KIZ: variants seen among roughly 807,000 people sequenced by gnomAD.
KIZ encodes centrosomal protein kizuna.
Under a neutral mutation model 79.6 loss-of-function variants are expected in KIZ, and 68 were observed. The ratio of observed to expected loss-of-function variants is 0.85; its 90% CI spans 0.70 to 1.05. The LOEUF (loss-of-function observed/expected upper bound fraction) is 1.05. Ranked by LOEUF, KIZ falls within the 50% of genes least tolerant of loss-of-function variation. The probability of loss-of-function intolerance (pLI) is 0.00; values close to 1 mark genes in which losing one functional copy is unlikely to be tolerated. For synonymous variants in KIZ, 280 were observed against 281.8 expected (o/e 0.99, Z 0.06); for missense variants, 797 against 800.4 (o/e 1.00, Z 0.05).
intron 6 of KIZ, among the ~76,000 whole-genome samples, chr20:21,187,721 G>T (rs8120377): frequency 0.43 from 64,903 of 152,002 alleles, 15,915 homozygotes; most frequent in African/African-American, 0.69. Context: ...TGCGTCAGCC[G>T]TTAATCCTCA....
At chr20:21,242,290 G>T (rs2037244805) in intron 11 of KIZ, among the ~76,000 whole-genome samples, 1 of 152,202 alleles carries the variant, frequency 6.6e-6, no homozygotes. Context: ...CACCTTGGAG[G>T]CACTGCTTGG....
At chr20:21,172,213 C>T (rs2034238350) in intron 6 of KIZ, among the ~76,000 whole-genome samples, 1 of 152,196 alleles carries the variant, frequency 6.6e-6, no homozygotes, top group Non-Finnish European at 1.5e-5. Flanking sequence ...GGAACACCTG[C>T]TCTGTGCCGG....
intron 9 of KIZ, among the ~76,000 whole-genome samples, chr20:21,220,093 G>A (rs145201628): frequency 4.2e-4 from 63 of 150,206 alleles, no homozygotes; most frequent in African/African-American, 1.5e-3. Context: ...ATAATAAGTA[G>A]TATATAATTA....
At chr20:21,205,626 T>C (rs1370512396) in intron 7 of KIZ, 42 bp downstream of exon 7, 2 of 838,416 alleles carry the variant, frequency 2.4e-6, no homozygotes, top group East Asian at 5.5e-5. Flanking sequence ...ATCACAAATG[T>C]GGACCACAGG....
At chr20:21,133,706 C>T (rs1039978451) in intron 2 of KIZ, among the ~76,000 whole-genome samples, 13 of 152,198 alleles carry the variant, frequency 8.5e-5, no homozygotes, top group Non-Finnish European at 5.9e-5. Context: ...GAGTCTGAGA[C>T]GAGGGTCTGT....
chr20:21,180,042 T>C (rs1370872078), intron 6 of KIZ, among the ~76,000 whole-genome samples: 2 of 152,128 alleles, frequency 1.3e-5, no homozygotes, highest in Non-Finnish European at 2.9e-5. Flanking sequence ...TTGGGTGGAG[T>C]GTTCTGTATA....
At chr20:21,189,638 G>C (rs1355077435) in intron 6 of KIZ, among the ~76,000 whole-genome samples, 1 of 152,190 alleles carries the variant, frequency 6.6e-6, no homozygotes, top group African/African-American at 2.4e-5. Context: ...AAAGGCAAGG[G>C]TTTTGCTTGT....
At chr20:21,135,508 G>T (rs2032136628) in intron 2 of KIZ, among the ~76,000 whole-genome samples, 1 of 152,196 alleles carries the variant, frequency 6.6e-6, no homozygotes, top group South Asian at 2.1e-4. Context: ...CCTAGGATTG[G>T]AAGTTTAAGA....
In KIZ at chr20:21,205,674, AAG is replaced by A. The variant is rs989359902; in HGVS notation, c.1446+91_1446+92del. 23 of 592,744 alleles carry A rather than the reference AAG, an allele frequency of 3.9e-5. No individual in the cohort carries two copies. The African/African-American group carries it at 4.6e-4, about 12-fold the overall frequency. 36.7% of individuals were successfully genotyped at this position (592,744 alleles called of 1,614,324 possible). A position where few individuals can be genotyped will look rare whatever the true frequency, so the allele number is the denominator to read the frequency against. ...ATTTTTATTTAAAAAAAAAAAAAAAAAGTTTTGGCCAGGCGCCGTGGCTCACG... is the reference window on the plus strand; with the variant it reads ...ATTTTTATTTAAAAAAAAAAAAAAAATTTTGGCCAGGCGCCGTGGCTCACG... On this transcript the variant is annotated intron_variant, in intron 7 of 12. Coordinates refer to ENST00000619189, the MANE Select transcript of KIZ (RefSeq NM_018474.6).
At chr20:21,196,942 C>T (rs2035368432) in intron 6 of KIZ, 1 of 152,208 alleles carries the variant, frequency 6.6e-6, no homozygotes, top group Non-Finnish European at 1.5e-5. Context: ...TCAACTAGGT[C>T]CAGTAACTTC....
chr20:21,153,566 A>G lies in KIZ; in HGVS notation c.405+7912A>G, dbSNP rs533543808. On this transcript the variant is annotated intron_variant, in intron 4 of 12. Coordinates refer to ENST00000619189, the MANE Select transcript of KIZ (RefSeq NM_018474.6). Reference sequence around the variant, plus strand: ...GTCATGGTGGCAACATGTAAGAAGAAGACTTAAAAATCACAATGGCATACT... The same window carrying G: ...GTCATGGTGGCAACATGTAAGAAGAGGACTTAAAAATCACAATGGCATACT... Among the ~76,000 whole-genome samples, 10 of 152,244 alleles carry G rather than the reference A, an allele frequency of 6.6e-5. No individual in the cohort carries two copies. In the South Asian group the frequency reaches 2.1e-3, roughly 32 times the overall value.
chr20:21,219,385 A>T (rs986285420), intron 9 of KIZ, among the ~76,000 whole-genome samples: 3 of 151,704 alleles, frequency 2.0e-5, no homozygotes, highest in African/African-American at 7.3e-5. Context: ...TGTTGTGATC[A>T]CAGCTTTTTG....
In KIZ at chr20:21,163,124, A is replaced by G. The variant is rs756421966; in HGVS notation, c.1317A>G (p.Ser439=). The G allele has an allele frequency of 2.1e-5, 34 of 1,612,718 alleles. 1 individual carries two copies. Among genetic ancestry groups the G allele is most frequent in the Non-Finnish European group, 2.8e-5 (33 of 1,179,492 alleles). Residue 439 remains serine, a synonymous_variant, in exon 6 of 13, where the codon TCA becomes TCG. Coordinates refer to ENST00000619189, the MANE Select transcript of KIZ (RefSeq NM_018474.6). ...CILQTLSSPD[S]EKESSTNAPT... is the part of the protein sequence containing the mutation. ...TGCAAACCCTAAGCTCTCCTGATTC[A>G]GAAAAGGAATCCTCCACTAACGCAC...
intron 1 of KIZ, 69 bp from the exon 2 acceptor site, chr20:21,132,028 A>C (rs891792553): frequency 7.4e-5 from 53 of 713,732 alleles, no homozygotes; most frequent in Non-Finnish European, 1.1e-4. Context: ...ATTTCAAAGA[A>C]GAGCATGGTC....
chr20:21,211,117 C>T (rs114583060), intron 7 of KIZ, among the ~76,000 whole-genome samples: 5 of 151,986 alleles, frequency 3.3e-5, no homozygotes, highest in African/African-American at 9.7e-5. Flanking sequence ...ATATCACAAC[C>T]GTAAGTTTTT....
At chr20:21,209,226 T>G (rs1450853795) in intron 7 of KIZ, among the ~76,000 whole-genome samples, 1 of 152,238 alleles carries the variant, frequency 6.6e-6, no homozygotes, top group East Asian at 1.9e-4. Flanking sequence ...AGATAAGGTC[T>G]GCAGTGCCCA....
At chr20:21,244,198 C>G (rs2037314173) in intron 11 of KIZ, 47 bp from the exon 12 acceptor site, 1 of 1,338,046 alleles carries the variant, frequency 7.5e-7, no homozygotes. Flanking sequence ...ATATTAGTCT[C>G]ATTGTCTTTT....
At chr20:21,230,905 TG>T (rs1168179162) in intron 10 of KIZ, among the ~76,000 whole-genome samples, 1 of 152,234 alleles carries the variant, frequency 6.6e-6, no homozygotes, top group Admixed American at 6.5e-5. Flanking sequence ...ATTTTACAAA[TG>T]AGGCCCCAGG....
At chr20:21,219,139 G>A (rs1008680019) in intron 9 of KIZ, among the ~76,000 whole-genome samples, 2 of 151,810 alleles carry the variant, frequency 1.3e-5, no homozygotes, top group South Asian at 2.1e-4. Flanking sequence ...ACCTGAGAAG[G>A]GCACAGTAGC....
Sources: gnomAD v4.1 joint callset for allele counts (sites outside exome capture counted in the v4.1 genomes callset) on GRCh38, gnomAD v4.1.1 for gene constraint, MANE v1.5 for transcripts, NCBI Gene and HGNC (gene_info 2026-07-23, HGNC 2026-07-21) for gene names.